HPSE2: variants seen among roughly 807,000 people sequenced by gnomAD.
HPSE2 encodes inactive heparanase-2.
HPSE2 carries 38 observed loss-of-function variants against 60.5 expected under a neutral mutation model. The ratio of observed to expected loss-of-function variants is 0.63; its 90% CI spans 0.48 to 0.82. The LOEUF (loss-of-function observed/expected upper bound fraction) is 0.82, where lower values mean the gene tolerates loss of function less well. Ranked by LOEUF, HPSE2 falls within the 40% of genes least tolerant of loss-of-function variation. The probability of loss-of-function intolerance (pLI) is 0.00; values close to 1 mark genes in which losing one functional copy is unlikely to be tolerated. For missense variants in HPSE2, 713 were observed against 740.4 expected (o/e 0.96, Z 0.43); for synonymous variants, 295 against 293.2 (o/e 1.01, Z -0.06).
chr10:99,231,222 G>C (rs1849634382), intron 2 of HPSE2, among the ~76,000 whole-genome samples: 1 of 152,108 alleles, frequency 6.6e-6, no homozygotes. Flanking sequence ...TTTCAATGAA[G>C]GCCCAAGAAA....
intron 3 of HPSE2, among the ~76,000 whole-genome samples, chr10:98,840,516 G>A (rs961837864): frequency 5.3e-5 from 8 of 152,168 alleles, no homozygotes; most frequent in African/African-American, 1.9e-4. Context: ...TTCGACTAGG[G>A]TGATGACAGT....
At chr10:98,527,778 G>A (rs888848452) in intron 9 of HPSE2, among the ~76,000 whole-genome samples, 1 of 152,156 alleles carries the variant, frequency 6.6e-6, no homozygotes, top group Non-Finnish European at 1.5e-5. Context: ...TTGGCACAAG[G>A]CTGGCACTCA....
At chr10:99,169,462 A>G (rs12355829) in intron 2 of HPSE2, among the ~76,000 whole-genome samples, 71,708 of 136,722 alleles carry the variant, frequency 0.52, 20,031 homozygotes, top group East Asian at 0.67. Flanking sequence ...CCAAGATGGC[A>G]CCACTGCACT....
chr10:98,715,955 G>A (rs760059160), intron 5 of HPSE2, among the ~76,000 whole-genome samples: 22 of 152,008 alleles, frequency 1.4e-4, no homozygotes, highest in Non-Finnish European at 2.8e-4. Context: ...AATGCTGTTT[G>A]ATGGCATTAT....
chr10:99,245,070 A>C, the HPSE2 span, among the ~76,000 whole-genome samples: 1 of 152,176 alleles, frequency 6.6e-6, no homozygotes, highest in East Asian at 1.9e-4. Flanking sequence ...TCAGACACTT[A>C]AATTTTAAAT....
At chr10:99,315,945 C>A in the HPSE2 span, among the ~76,000 whole-genome samples, 42 of 152,178 alleles carry the variant, frequency 2.8e-4, no homozygotes, top group Admixed American at 1.6e-3. Flanking sequence ...TCTCAGCCGC[C>A]ACCTGCTGCT....
chr10:99,198,944 T>C (rs1848488424), intron 2 of HPSE2, among the ~76,000 whole-genome samples: 1 of 152,186 alleles, frequency 6.6e-6, no homozygotes, highest in Non-Finnish European at 1.5e-5. Flanking sequence ...ATGCAATATT[T>C]GTCCTTCTGT....
rs1035038706 is a variant in HPSE2 at position 98,815,071 on chromosome 10, C to A, written c.611-71015G>T. Among the ~76,000 whole-genome samples the A allele has an allele frequency of 2.0e-5, 3 of 152,154 alleles. No homozygotes were observed. The South Asian group carries it at 6.2e-4, about 31-fold the overall frequency. On this transcript the variant is annotated intron_variant, in intron 3 of 11. Coordinates refer to ENST00000370552, the MANE Select transcript of HPSE2 (RefSeq NM_021828.5). The stretch of plus-strand genomic sequence containing the variant: ...CTGCTTGAGGCCAGGAATTCTAGAC[C>A]AGCCCAGGCAACAAAGGGAGACACC...
At chr10:98,573,271 CAAACA>C (rs1944549741) in intron 9 of HPSE2, among the ~76,000 whole-genome samples, 1 of 152,162 alleles carries the variant, frequency 6.6e-6, no homozygotes, top group Admixed American at 6.6e-5. Flanking sequence ...TAGAACCAGC[CAAACA>C]AAATCTGGAA....
At chr10:99,238,016 G>A (rs1164744975), upstream of HPSE2, among the ~76,000 whole-genome samples, 1 of 152,068 alleles carries the variant, frequency 6.6e-6, no homozygotes, top group Non-Finnish European at 1.5e-5. Context: ...ATTATGTTTT[G>A]GGTCTCTGTT....
intron 9 of HPSE2, among the ~76,000 whole-genome samples, chr10:98,512,624 C>A (rs1017509174): frequency 6.6e-6 from 1 of 151,920 alleles, no homozygotes; most frequent in African/African-American, 2.4e-5. Context: ...CCATTTCTTG[C>A]TGGGTAAAGT....
chr10:98,982,578 A>G (rs114216635), intron 3 of HPSE2, among the ~76,000 whole-genome samples: 2,046 of 152,266 alleles, frequency 0.013, 38 homozygotes, highest in African/African-American at 0.046. Context: ...AAAAACAGAT[A>G]TGGCTTTCTA....
chr10:98,806,793 G>T (rs770210179), intron 3 of HPSE2, among the ~76,000 whole-genome samples: 1 of 152,144 alleles, frequency 6.6e-6, no homozygotes, highest in South Asian at 2.1e-4. Flanking sequence ...TGCCTTTAAA[G>T]ATTTTTTTTA....
At chr10:98,743,134 G>A (rs1467343188) in intron 4 of HPSE2, among the ~76,000 whole-genome samples, 1 of 151,636 alleles carries the variant, frequency 6.6e-6, no homozygotes, top group Admixed American at 6.6e-5. Context: ...CACCACGTCT[G>A]GCTAATTTTT....
intron 10 of HPSE2, among the ~76,000 whole-genome samples, chr10:98,488,959 A>G (rs1337248186): frequency 2.6e-5 from 4 of 152,100 alleles, no homozygotes; most frequent in African/African-American, 9.7e-5. Flanking sequence ...TTATCATGAT[A>G]AATTAATTGG....
At chr10:99,153,437 C>A (rs1309780015) in intron 2 of HPSE2, among the ~76,000 whole-genome samples, 1 of 152,204 alleles carries the variant, frequency 6.6e-6, no homozygotes, top group African/African-American at 2.4e-5. Context: ...CAAGTGGGTC[C>A]CTGACCCCTG....
chr10:99,209,743 G>T (rs1589824591), intron 2 of HPSE2, among the ~76,000 whole-genome samples: 1 of 152,330 alleles, frequency 6.6e-6, no homozygotes, highest in South Asian at 2.1e-4. Flanking sequence ...AGGCTGGAGT[G>T]CAGTGGCATG....
At chr10:98,901,317 T>C (rs1252882616) in intron 3 of HPSE2, among the ~76,000 whole-genome samples, 1 of 152,214 alleles carries the variant, frequency 6.6e-6, no homozygotes. Flanking sequence ...GTTAAACATT[T>C]ACAATTTGGG....
chr10:98,594,914 C>G (rs1339633812), intron 9 of HPSE2, among the ~76,000 whole-genome samples: 1 of 152,112 alleles, frequency 6.6e-6, no homozygotes, highest in African/African-American at 2.4e-5. Flanking sequence ...AATTTACATT[C>G]CCACCAACAG....
Sources: gnomAD v4.1 joint callset for allele counts (sites outside exome capture counted in the v4.1 genomes callset) on GRCh38, gnomAD v4.1.1 for gene constraint, MANE v1.5 for transcripts, NCBI Gene and HGNC (gene_info 2026-07-23, HGNC 2026-07-21) for gene names.